AGBL1: variants seen among roughly 807,000 people sequenced by gnomAD.
AGBL1 encodes the protein AGBL carboxypeptidase 1.
A neutral mutation model predicts 118.9 loss-of-function variants in AGBL1; 130 were observed. The ratio of observed to expected loss-of-function variants is 1.09; its 90% confidence interval spans 0.95 to 1.26. The LOEUF (loss-of-function observed/expected upper bound fraction) is 1.26. Ranked by LOEUF, AGBL1 falls within the 50% of genes most tolerant of loss-of-function variation. The pLI is 0.00. For synonymous variants in AGBL1, 555 were observed against 478.9 expected (o/e 1.16, Z -2.08); for missense variants, 1,584 against 1,298.1 (o/e 1.22, Z -3.38).
At chr15:86,641,704 G>A (rs1290590836) in intron 21 of AGBL1, among the ~76,000 whole-genome samples, 19 of 152,018 alleles carry the variant, frequency 1.2e-4, no homozygotes. Context: ...AGTGCTTGAA[G>A]CCAAGAGTTT....
rs532598483 is a variant in AGBL1 at position 86,785,471 on chromosome 15, T to C, written c.3158+111035T>C. Among the ~76,000 whole-genome samples, 49 of 150,206 alleles carry C rather than the reference T, an allele frequency of 3.3e-4. 1 individual carries two copies. In the South Asian group the frequency reaches 0.01, roughly 32 times the overall value. On this transcript the variant is annotated intron_variant, in intron 22 of 22. Coordinates refer to ENST00000614907, the MANE Select transcript of AGBL1 (RefSeq NM_001386094.1). ...TTCACTGCAACCTCCACCTCCCAGGTTCAAGCGATCCTCCTGCCTCAGCCT... is the reference window on the plus strand; with the variant it reads ...TTCACTGCAACCTCCACCTCCCAGGCTCAAGCGATCCTCCTGCCTCAGCCT...
chr15:86,965,531 G>A (rs1269056447), intron 23 of AGBL1, among the ~76,000 whole-genome samples: 5 of 151,950 alleles, frequency 3.3e-5, no homozygotes, highest in South Asian at 4.2e-4. Flanking sequence ...CTGGATATTA[G>A]CCCTTTGTCA....
chr15:86,467,286 C>T (rs2082419613), intron 18 of AGBL1, among the ~76,000 whole-genome samples: 1 of 152,158 alleles, frequency 6.6e-6, no homozygotes. Flanking sequence ...GGGAAAACTG[C>T]CTACTCAAGC....
chr15:86,349,713 T>C (rs1190980835), intron 17 of AGBL1, among the ~76,000 whole-genome samples: 3 of 152,234 alleles, frequency 2.0e-5, no homozygotes, highest in African/African-American at 7.2e-5. Flanking sequence ...GAGGTTGTAC[T>C]TTTCCAAGTT....
chr15:86,479,399 G>A (rs1029001670), intron 18 of AGBL1, among the ~76,000 whole-genome samples: 1 of 151,130 alleles, frequency 6.6e-6, no homozygotes, highest in Non-Finnish European at 1.5e-5. Flanking sequence ...GAAAAACAAC[G>A]CCATCAACAA....
chr15:86,558,710 C>G (rs2083771870), intron 21 of AGBL1, among the ~76,000 whole-genome samples: 1 of 152,188 alleles, frequency 6.6e-6, no homozygotes, highest in Non-Finnish European at 1.5e-5. Context: ...GAAATTCAAT[C>G]ATCGGAACTC....
At chr15:87,006,581 G>A (rs2081506869) in intron 24 of AGBL1, among the ~76,000 whole-genome samples, 1 of 152,174 alleles carries the variant, frequency 6.6e-6, no homozygotes, top group Admixed American at 6.5e-5. Context: ...TTTTCCAGGT[G>A]TCATCTGTCA....
chr15:87,030,481 G>A (rs2081773443), downstream of AGBL1, among the ~76,000 whole-genome samples: 1 of 151,860 alleles, frequency 6.6e-6, no homozygotes, highest in Admixed American at 6.6e-5. Flanking sequence ...ACAACTCTTT[G>A]CTTGACCATA....
intron 22 of AGBL1, among the ~76,000 whole-genome samples, chr15:86,753,714 A>G (rs1229340965): frequency 1.3e-5 from 2 of 151,996 alleles, no homozygotes; most frequent in African/African-American, 2.4e-5. Flanking sequence ...CTGTCTTTCT[A>G]ACTGTCAATC....
chr15:86,093,374 A>G (rs1004005131), intron 1 of AGBL1, among the ~76,000 whole-genome samples: 1 of 152,196 alleles, frequency 6.6e-6, no homozygotes, highest in African/African-American at 2.4e-5. Context: ...TTTAAAAACC[A>G]GGCATTAGAG....
chr15:86,817,715 T>C (rs2078885570), intron 22 of AGBL1, among the ~76,000 whole-genome samples: 1 of 151,782 alleles, frequency 6.6e-6, no homozygotes, highest in Non-Finnish European at 1.5e-5. Context: ...GGTTGAATTG[T>C]GGTCCTCCAA....
intron 22 of AGBL1, among the ~76,000 whole-genome samples, chr15:86,771,635 A>G (rs563540970): frequency 1.1e-4 from 17 of 152,118 alleles, no homozygotes; most frequent in Admixed American, 2.6e-4. Flanking sequence ...CACTGGTAAC[A>G]TGTTCGGTAA....
intron 18 of AGBL1, among the ~76,000 whole-genome samples, chr15:86,500,038 T>C (rs769718835): frequency 6.6e-6 from 1 of 151,840 alleles, no homozygotes; most frequent in African/African-American, 2.4e-5. Context: ...ATTTTTATGT[T>C]GTGTGAAAGC....
At chr15:86,302,028 A>G (rs1382749385) in intron 17 of AGBL1, among the ~76,000 whole-genome samples, 2 of 152,028 alleles carry the variant, frequency 1.3e-5, no homozygotes, top group Non-Finnish European at 2.9e-5. Flanking sequence ...ATCAACAGTG[A>G]CTCACCATGA....
At chr15:86,647,451 A>G (rs1055474202) in intron 21 of AGBL1, among the ~76,000 whole-genome samples, 1 of 152,244 alleles carries the variant, frequency 6.6e-6, no homozygotes, top group African/African-American at 2.4e-5. Flanking sequence ...CTGTAATCCC[A>G]GCACTTTGGG....
intron 18 of AGBL1, among the ~76,000 whole-genome samples, chr15:86,406,536 A>G (rs1410576286): frequency 1.3e-5 from 2 of 152,200 alleles, no homozygotes; most frequent in Non-Finnish European, 2.9e-5. Context: ...TGCATTGTAT[A>G]ATTCCAAAGG....
In AGBL1 at chr15:86,907,522, C is replaced by T. The variant is rs2080297066; in HGVS notation, c.*228C>T. On this transcript the variant is annotated 3_prime_UTR_variant, in exon 23 of 23. Transcript: ENST00000614907. ...AGTTAGGTAGCCCTTGGGGCCTATG[C>T]AAGCTGCTATTGTACTTAGAATGGG... 6.6e-6 allele frequency: 1 copy of T among 152,144 alleles called. No homozygotes were observed. Among genetic ancestry groups the T allele is most frequent in the South Asian group, 2.1e-4 (1 of 4,826 alleles). The allele number at this position is 152,144 out of a possible 1,614,324, so 9.4% of individuals were successfully genotyped here.
At chr15:86,672,184 G>A (rs537008591) in intron 21 of AGBL1, among the ~76,000 whole-genome samples, 1 of 152,260 alleles carries the variant, frequency 6.6e-6, no homozygotes, top group South Asian at 2.1e-4. Context: ...GAATATAAGG[G>A]CCTTGCCCAA....
chr15:86,126,962 C>A (rs2076755529), intron 1 of AGBL1, among the ~76,000 whole-genome samples: 2 of 152,130 alleles, frequency 1.3e-5, no homozygotes, highest in Admixed American at 6.5e-5. Context: ...CTTGTGTGGA[C>A]CAGCTGGTCC....
Sources: gnomAD v4.1 joint callset for allele counts (sites outside exome capture counted in the v4.1 genomes callset) on GRCh38, gnomAD v4.1.1 for gene constraint, MANE v1.5 for transcripts, NCBI Gene and HGNC (gene_info 2026-07-23, HGNC 2026-07-21) for gene names.